Variants in AR observed in about 807,000 individuals in gnomAD.
AR encodes androgen receptor, also known as dihydrotestosterone receptor.
In AR, 8 loss-of-function variants were observed where a neutral mutation model predicts 53.9. The observed-to-expected ratio is 0.15, with a 90% CI of 0.09 to 0.27. The LOEUF is 0.27. Ranked by LOEUF, AR falls within the 10% of genes least tolerant of loss-of-function variation. The pLI is 1.00. For synonymous variants in AR, 359 were observed against 316.4 expected (o/e 1.13, Z -1.43); for missense variants, 639 against 742.5 (o/e 0.86, Z 1.62).
chrX:67,668,920 C>T (rs1317257393), intron 2 of AR, among the ~76,000 whole-genome samples: 3 of 111,424 alleles, frequency 2.7e-5, no homozygotes, highest in Non-Finnish European at 3.8e-5. Flanking sequence ...TTTTTAATCT[C>T]TGATTTTATT....
intron 1 of AR, among the ~76,000 whole-genome samples, chrX:67,632,468 G>A (rs1007112203): frequency 2.7e-5 from 3 of 112,262 alleles, no homozygotes; most frequent in African/African-American, 3.2e-5. Flanking sequence ...TGCGCTTCCC[G>A]AGTGAGGCAA....
intron 1 of AR, among the ~76,000 whole-genome samples, chrX:67,613,185 A>G (rs1923960492): frequency 8.9e-6 from 1 of 111,939 alleles, no homozygotes; most frequent in African/African-American, 3.2e-5. Context: ...CCCAGGGTCC[A>G]CTTGTAGAAC....
At position 67,724,011 on chromosome X, in the gene AR, C is replaced by G; in HGVS notation, c.*170C>G. On this transcript the variant is annotated 3_prime_UTR_variant, in exon 8 of 8. Coordinates refer to ENST00000374690, the MANE Select transcript of AR (RefSeq NM_000044.6). ...TCTATTTGCTGGGCTTTTTTTTTCT[C>G]TTTCTCTCCTTTCTTTTTCTTCTTC... is the stretch of plus-strand genomic sequence containing the variant. 2 of 617,788 alleles carry G rather than the reference C, an allele frequency of 3.2e-6. No homozygotes were observed. The highest frequency in any genetic ancestry group is 5.4e-4 in the Middle Eastern group (1 of 1,850). The allele number at this position is 617,788 out of a possible 1,213,427, so 50.9% of individuals were successfully genotyped here. A position where few individuals can be genotyped will look rare whatever the true frequency, so the allele number is the denominator to read the frequency against.
chrX:67,679,499 A>G (rs755731382), intron 2 of AR, among the ~76,000 whole-genome samples: 8 of 111,745 alleles, frequency 7.2e-5, no homozygotes, highest in Non-Finnish European at 1.1e-4. Context: ...TTATTTTCTT[A>G]CAACACATCC....
chrX:67,708,097 G>A (rs748425502), intron 3 of AR, among the ~76,000 whole-genome samples: 53 of 111,432 alleles, frequency 4.8e-4, no homozygotes, highest in Non-Finnish European at 8.3e-4. Context: ...TTTCAACTTT[G>A]GCGAATCTGA....
intron 3 of AR, among the ~76,000 whole-genome samples, chrX:67,708,521 G>A (rs937686595): frequency 2.7e-5 from 3 of 111,500 alleles, no homozygotes; most frequent in African/African-American, 6.5e-5. Context: ...TCTCTACATT[G>A]ATTATTCTAG....
At chrX:67,564,931 T>C (rs1921489764) in intron 1 of AR, among the ~76,000 whole-genome samples, 2 of 111,756 alleles carry the variant, frequency 1.8e-5, no homozygotes, top group Non-Finnish European at 3.8e-5. Flanking sequence ...TCCTAAAAAT[T>C]AGCAAAACCT....
At chrX:67,660,534 C>A (rs1209953987) in intron 2 of AR, among the ~76,000 whole-genome samples, 1 of 111,294 alleles carries the variant, frequency 9.0e-6, no homozygotes, top group East Asian at 2.8e-4. Flanking sequence ...ATATATGCGG[C>A]ATTATTTCTC....
intron 1 of AR, among the ~76,000 whole-genome samples, chrX:67,584,338 T>A (rs1007664790): frequency 8.9e-6 from 1 of 111,951 alleles, no homozygotes; most frequent in African/African-American, 3.2e-5. Flanking sequence ...CAACACTGGC[T>A]ATGGTCTTTG....
At chrX:67,717,434 G>A (rs371609746) in intron 4 of AR, 44 bp from the exon 5 acceptor site, 30 of 1,206,870 alleles carry the variant, frequency 2.5e-5, no homozygotes, top group South Asian at 1.4e-4. Flanking sequence ...AGCTCAACCC[G>A]TCAGTACCCA....
intron 1 of AR, among the ~76,000 whole-genome samples, chrX:67,557,943 A>G (rs895890878): frequency 3.6e-5 from 4 of 112,296 alleles, no homozygotes; most frequent in African/African-American, 1.3e-4. Context: ...TGAACTTTTA[A>G]AGGCAATTGA....
intron 3 of AR, among the ~76,000 whole-genome samples, chrX:67,698,005 T>A (rs765143730): frequency 9.0e-6 from 1 of 111,418 alleles, no homozygotes; most frequent in African/African-American, 3.3e-5. Context: ...AATTAAGTAA[T>A]GATATTATCC....
chrX:67,546,657 A>G lies in AR; in HGVS notation c.1511A>G (p.Tyr504Cys), dbSNP rs1409800023. 2 of 1,203,207 alleles carry G rather than the reference A, an allele frequency of 1.7e-6. No homozygotes were observed. The highest frequency in any genetic ancestry group is 1.8e-5 in the South Asian group (1 of 55,406). ...ESDFTAPDVWYPGGMVSRVPY... is the reference protein window; with the variant it reads ...ESDFTAPDVWCPGGMVSRVPY... ...GACTTCACCGCACCTGATGTGTGGTACCCTGGCGGCATGGTGAGCAGAGTG... is the reference window on the plus strand; with the variant it reads ...GACTTCACCGCACCTGATGTGTGGTGCCCTGGCGGCATGGTGAGCAGAGTG... Residue 504 changes from tyrosine (Y) to cysteine (C), a missense_variant, in exon 1 of 8, where the codon TAC (tyrosine) becomes TGC (cysteine). By Grantham distance (194) the Tyr-to-Cys change is radical. Coordinates refer to ENST00000374690, the MANE Select transcript of AR (RefSeq NM_000044.6).
At chrX:67,631,397 C>G (rs1179240702) in intron 1 of AR, among the ~76,000 whole-genome samples, 1 of 111,972 alleles carries the variant, frequency 8.9e-6, no homozygotes, top group Non-Finnish European at 1.9e-5. Context: ...ATTTCATCTT[C>G]CATCGCTGAT....
At chrX:67,688,016 T>G (rs976988529) in intron 3 of AR, among the ~76,000 whole-genome samples, 4 of 112,287 alleles carry the variant, frequency 3.6e-5, no homozygotes, top group African/African-American at 1.3e-4. Flanking sequence ...ATTAATTTGT[T>G]GGTGACAATG....
rs1333500237 is a variant in AR at position 67,553,016 on chromosome X, C to T, written c.1616+6254C>T. Among the ~76,000 whole-genome samples, 3 of 109,941 alleles carry T rather than the reference C, an allele frequency of 2.7e-5. No individual in the cohort carries two copies. The South Asian group carries it at 1.2e-3, about 42-fold the overall frequency. The stretch of plus-strand genomic sequence containing the variant: ...TTTACTTTCCTTTTTTTTCTTTTTA[C>T]GTTCTTAATGGTATCTAGATTGAAG... On this transcript the variant is annotated intron_variant, in intron 1 of 7. Coordinates refer to ENST00000374690, the MANE Select transcript of AR (RefSeq NM_000044.6).
Position 67,613,870 on chromosome X carries a change from A to G in AR, c.1617-29386A>G, listed in dbSNP as rs1290201735. Reference sequence around the variant, plus strand: ...CCTTTGAAAAGCAACTAGAGAGATAATTTCTGAAGTGTTTGTCCCTACCTG... The same window carrying G: ...CCTTTGAAAAGCAACTAGAGAGATAGTTTCTGAAGTGTTTGTCCCTACCTG... On this transcript the variant is annotated intron_variant, in intron 1 of 7. Transcript: ENST00000374690. Among the ~76,000 whole-genome samples the G allele has an allele frequency of 4.5e-5, 5 of 112,139 alleles. No homozygotes were observed. The Admixed American group carries it at 4.7e-4, about 11-fold the overall frequency.
rs140603429 is a variant in AR, at chrX:67,590,222, G to A, written c.1616+43460G>A. Reference sequence around the variant, plus strand: ...TCAAGGACTAGGTTGAGGTGGGGAAGGGGGATGAAGGCTTCTTTTTTTCTT... The same window carrying A: ...TCAAGGACTAGGTTGAGGTGGGGAAAGGGGATGAAGGCTTCTTTTTTTCTT... On this transcript the variant is annotated intron_variant, in intron 1 of 7. Transcript: ENST00000374690. 6.9e-3 allele frequency among the ~76,000 whole-genome samples: 772 copies of A among 111,447 alleles called. 5 individuals carry two copies. The highest frequency in any genetic ancestry group is 0.024 in the African/African-American group (738 of 30,660).
intron 1 of AR, among the ~76,000 whole-genome samples, chrX:67,548,770 G>A (rs1467589802): frequency 8.9e-6 from 1 of 112,241 alleles, no homozygotes; most frequent in Non-Finnish European, 1.9e-5. Context: ...AGGTCTTAAT[G>A]AAAAAAGCTT....
Sources: allele counts gnomAD v4.1 joint callset (sites outside exome capture counted in the v4.1 genomes callset), GRCh38; gene constraint gnomAD v4.1.1; transcripts MANE v1.5; gene names NCBI Gene and HGNC (gene_info 2026-07-23, HGNC 2026-07-21).